KIRREL3: variants seen among roughly 807,000 people sequenced by gnomAD.
KIRREL3 encodes kin of IRRE-like protein 3.
KIRREL3 carries 36 observed loss-of-function variants against 89.7 expected under a neutral mutation model. That is an observed-to-expected ratio of 0.40 (90% confidence interval 0.31 to 0.53). The LOEUF (loss-of-function observed/expected upper bound fraction) is 0.53, where lower values mean the gene tolerates loss of function less well. Among genes scored for constraint, KIRREL3 ranks in the 20% least tolerant of loss-of-function variants. The pLI, the probability that KIRREL3 is intolerant of heterozygous loss-of-function variation, is 0.49. For synonymous variants in KIRREL3, 445 were observed against 441.4 expected, an observed-to-expected ratio of 1.01 and a Z score of -0.10; for missense variants, 864 against 1,056.6, an observed-to-expected ratio of 0.82 and a Z score of 2.53.
chr11:126,510,966 A>T (rs1219941078), intron 4 of KIRREL3, among the ~76,000 whole-genome samples: 1 of 152,134 alleles, frequency 6.6e-6, no homozygotes, highest in African/African-American at 2.4e-5. Flanking sequence ...GGGCTAGTGC[A>T]CATAGGGAAG....
At chr11:126,792,679 T>C (rs898438648) in intron 1 of KIRREL3, among the ~76,000 whole-genome samples, 1 of 152,230 alleles carries the variant, frequency 6.6e-6, no homozygotes, top group Non-Finnish European at 1.5e-5. Flanking sequence ...AATTATGTTA[T>C]ATGCACACAA....
At chr11:126,823,270 C>T (rs920350753) in intron 1 of KIRREL3, among the ~76,000 whole-genome samples, 6 of 152,194 alleles carry the variant, frequency 3.9e-5, no homozygotes, top group Non-Finnish European at 8.8e-5. Context: ...AAGCATTATA[C>T]TTCAGCTAAG....
intron 1 of KIRREL3, among the ~76,000 whole-genome samples, chr11:126,856,784 T>A (rs1306394436): frequency 6.6e-6 from 1 of 151,654 alleles, no homozygotes; most frequent in Non-Finnish European, 1.5e-5. Flanking sequence ...CGCGGCTAAT[T>A]TTTTGTATTT....
chr11:126,922,891 C>G (rs1947411277), intron 1 of KIRREL3, among the ~76,000 whole-genome samples: 1 of 152,202 alleles, frequency 6.6e-6, no homozygotes, highest in African/African-American at 2.4e-5. Context: ...CCCATGTCTA[C>G]CCTCTTCCCA....
chr11:126,785,003 T>C (rs552529844), intron 1 of KIRREL3, among the ~76,000 whole-genome samples: 6 of 152,064 alleles, frequency 3.9e-5, no homozygotes, highest in Non-Finnish European at 8.8e-5. Context: ...TGTGTGGAGG[T>C]AGAAAAGCCC....
intron 4 of KIRREL3, among the ~76,000 whole-genome samples, chr11:126,500,356 A>G (rs1384802179): frequency 1.3e-5 from 2 of 152,228 alleles, no homozygotes; most frequent in African/African-American, 4.8e-5. Flanking sequence ...TGGAGCCACC[A>G]CTATGTAGGG....
At chr11:126,852,102 G>A (rs1019117472) in intron 1 of KIRREL3, among the ~76,000 whole-genome samples, 4 of 145,464 alleles carry the variant, frequency 2.7e-5, no homozygotes, top group South Asian at 2.2e-4. Flanking sequence ...CTCCCAGGCC[G>A]GAGTGCAGTG....
At position 126,607,622 on chromosome 11, in the gene KIRREL3, C is replaced by T. The variant is rs1942943979; in HGVS notation, c.56-44710G>A. On this transcript the variant is annotated intron_variant, in intron 1 of 16. Transcript: ENST00000525144. The surrounding 1 kb of genome is among the most constrained non-coding windows in gnomAD (Gnocchi z 6.6). ...TCATGTAGGCATTAAGTGGCTTCCT[C>T]TGCCCTTTGAGTTGTAACACTTAGG... 1.3e-5 allele frequency among the ~76,000 whole-genome samples: 2 copies of T among 152,204 alleles called. No homozygotes were observed. Among genetic ancestry groups the T allele is most frequent in the African/African-American group, 2.4e-5 (1 of 41,460 alleles).
At chr11:126,716,703 A>G (rs1464513894) in intron 1 of KIRREL3, among the ~76,000 whole-genome samples, 2 of 121,798 alleles carry the variant, frequency 1.6e-5, no homozygotes. Flanking sequence ...TATCAGTCAA[A>G]GAAGGTATTT....
chr11:126,839,976 G>A (rs1409076376), intron 1 of KIRREL3, among the ~76,000 whole-genome samples: 3 of 152,272 alleles, frequency 2.0e-5, no homozygotes, highest in Admixed American at 6.5e-5. Flanking sequence ...TTGCAGGAAG[G>A]AAAGTGTACA....
chr11:126,759,644 C>T (rs1949610618), intron 1 of KIRREL3, among the ~76,000 whole-genome samples: 1 of 152,190 alleles, frequency 6.6e-6, no homozygotes, highest in African/African-American at 2.4e-5. Flanking sequence ...GGGACAAGCT[C>T]ATTAGCTGTA....
Position 126,805,602 on chromosome 11 carries a change from A to G in KIRREL3, c.55+194853T>C, listed in dbSNP as rs1410419530. 1.3e-5 allele frequency among the ~76,000 whole-genome samples: 2 copies of G among 152,156 alleles called. No homozygotes were observed. The highest frequency in any genetic ancestry group is 2.9e-5 in the Non-Finnish European group (2 of 68,032). On this transcript the variant is annotated intron_variant, in intron 1 of 16. Coordinates refer to ENST00000525144, the MANE Select transcript of KIRREL3 (RefSeq NM_032531.4). The surrounding 1 kb of genome is among the most constrained non-coding windows in gnomAD (Gnocchi z 4.3). ...AAATTAAACAAGGCTTTTCCACTCT[A>G]TCATCTTGTCACCTGAAGAACATTT...
At chr11:126,869,173 T>C (rs904006345) in intron 1 of KIRREL3, among the ~76,000 whole-genome samples, 4 of 125,008 alleles carry the variant, frequency 3.2e-5, no homozygotes, top group Non-Finnish European at 6.9e-5. Context: ...TTTTTTTTTT[T>C]CTCCTAGCAG....
intron 1 of KIRREL3, among the ~76,000 whole-genome samples, chr11:126,646,660 A>G (rs1944697202): frequency 6.6e-6 from 1 of 151,984 alleles, no homozygotes; most frequent in Non-Finnish European, 1.5e-5. Context: ...TTTTTAGTAG[A>G]GACGGGGTTT....
chr11:126,770,043 G>C (rs1406033263), intron 1 of KIRREL3, among the ~76,000 whole-genome samples: 1 of 152,068 alleles, frequency 6.6e-6, no homozygotes, highest in Non-Finnish European at 1.5e-5. Flanking sequence ...CTGGGTAGGT[G>C]TGTGAAGCCT....
At position 126,565,480 on chromosome 11, in the gene KIRREL3, T is replaced by C. The variant is rs1022157149; in HGVS notation, c.56-2568A>G. Among the ~76,000 whole-genome samples, 1 of 151,996 alleles carries C rather than the reference T, an allele frequency of 6.6e-6. No individual in the cohort carries two copies. The highest frequency in any genetic ancestry group is 1.5e-5 in the Non-Finnish European group (1 of 68,004). On this transcript the variant is annotated intron_variant, in intron 1 of 16. Coordinates refer to ENST00000525144, the MANE Select transcript of KIRREL3 (RefSeq NM_032531.4). The surrounding 1 kb of genome is among the most constrained non-coding windows in gnomAD (Gnocchi z 5.4). Reference sequence around the variant, plus strand: ...TTTGGCTCATTTAATTTGACACGCGTGGGTTAGTCTTAATTATTTAGGCGG... The same window carrying C: ...TTTGGCTCATTTAATTTGACACGCGCGGGTTAGTCTTAATTATTTAGGCGG...
At chr11:126,951,172 C>T (rs1312407392) in intron 1 of KIRREL3, among the ~76,000 whole-genome samples, 2 of 152,122 alleles carry the variant, frequency 1.3e-5, no homozygotes, top group East Asian at 3.9e-4. Flanking sequence ...ATAAGGCACA[C>T]ATAGTAATAA....
rs1005136854 is a variant in KIRREL3 at position 126,719,968 on chromosome 11, C to T, written c.56-157056G>A. On this transcript the variant is annotated intron_variant, in intron 1 of 16. Transcript: ENST00000525144. The surrounding 1 kb of genome is among the most constrained non-coding windows in gnomAD (Gnocchi z 4.7). ...GATGGCTTAGGGTCAGGGTGTGGTC[C>T]CTCTGCCTCTGATTTCAGCTCCTAC... Among the ~76,000 whole-genome samples, 1 of 152,166 alleles carries T rather than the reference C, an allele frequency of 6.6e-6. No homozygotes were observed. Among genetic ancestry groups the T allele is most frequent in the Non-Finnish European group, 1.5e-5 (1 of 68,034 alleles).
Position 126,897,545 on chromosome 11 carries a change from G to A in KIRREL3, c.55+102910C>T, listed in dbSNP as rs1422029158. On this transcript the variant is annotated intron_variant, in intron 1 of 16. Transcript: ENST00000525144. This position sits in a 1 kb window ranked among gnomAD's most constrained non-coding sequence, Gnocchi z 4.2. The stretch of plus-strand genomic sequence containing the variant: ...AGAACAGGAAACCAGCTCCCACAGA[G>A]GGTTAAAGGCACAGCATCCTCCTGT... Among the ~76,000 whole-genome samples the A allele has an allele frequency of 6.6e-6, 1 of 152,092 alleles. No homozygotes were observed. Among genetic ancestry groups the A allele is most frequent in the African/African-American group, 2.4e-5 (1 of 41,414 alleles).
Sources: allele counts gnomAD v4.1 joint callset (sites outside exome capture counted in the v4.1 genomes callset), GRCh38; gene constraint gnomAD v4.1.1; non-coding constraint Gnocchi (gnomAD v3.1); transcripts MANE v1.5; gene names NCBI Gene and HGNC (gene_info 2026-07-23, HGNC 2026-07-21).